The following PCDHA8 variants were observed in gnomAD, a reference collection of about 807,000 sequenced individuals.
PCDHA8 encodes protocadherin alpha 8.
Under a neutral mutation model 61.8 loss-of-function variants are expected in PCDHA8, and 53 were observed. The observed-to-expected ratio is 0.86, with a 90% CI of 0.69 to 1.08. The LOEUF (loss-of-function observed/expected upper bound fraction) is 1.08, where lower values mean the gene tolerates loss of function less well. PCDHA8 is among the 50% of genes least tolerant of loss of function. The pLI is 0.00. For synonymous variants in PCDHA8, 618 were observed against 556.6 expected (o/e 1.11, Z -1.55); for missense variants, 1,293 against 1,245.0 (o/e 1.04, Z -0.58).
At chr5:140,967,956 A>G in intron 1 of PCDHA8, 2 of 1,614,172 alleles carry the variant, frequency 1.2e-6, no homozygotes, top group Middle Eastern at 3.3e-4. Context: ...TCAGGCCCCA[A>G]CCGGAAAGTG....
chr5:140,875,632 C>G, intron 1 of PCDHA8: 1 of 1,613,710 alleles, frequency 6.2e-7, no homozygotes, highest in Non-Finnish European at 8.5e-7. Flanking sequence ...GGACCTGGGG[C>G]TGGAGCTGGC....
chr5:140,876,273 C>T, intron 1 of PCDHA8: 1 of 1,613,982 alleles, frequency 6.2e-7, no homozygotes, highest in South Asian at 1.1e-5. Context: ...TAAATGCTTC[C>T]GATCCAGACG....
chr5:140,899,005 G>A (rs1220603725), intron 1 of PCDHA8, among the ~76,000 whole-genome samples: 1 of 151,848 alleles, frequency 6.6e-6, no homozygotes, highest in Non-Finnish European at 1.5e-5. Context: ...TGTTATTGGT[G>A]TATAAGAATG....
intron 1 of PCDHA8, chr5:140,966,824 A>G (rs1463208532): frequency 1.3e-6 from 2 of 1,559,876 alleles, no homozygotes; most frequent in Admixed American, 1.9e-5. Flanking sequence ...CCGGCGGCCC[A>G]TGCCCTGGCT....
At chr5:140,966,654 T>C in intron 1 of PCDHA8, 1 of 1,185,100 alleles carries the variant, frequency 8.4e-7, no homozygotes, top group Non-Finnish European at 1.1e-6. Flanking sequence ...GCGTGAGCGG[T>C]GGGGGAGCAG....
intron 1 of PCDHA8, among the ~76,000 whole-genome samples, chr5:140,906,383 T>A (rs1386557574): frequency 6.6e-6 from 1 of 152,214 alleles, no homozygotes; most frequent in African/African-American, 2.4e-5. Context: ...TTACATAAAG[T>A]TAACATTTAA....
intron 1 of PCDHA8, chr5:140,858,722 C>T: frequency 2.0e-6 from 1 of 497,160 alleles, no homozygotes. Context: ...GGTTGCAGTT[C>T]TGACGATTTA....
chr5:140,925,082 AAAGGAAGGAAGG>A (rs138596875), intron 1 of PCDHA8, among the ~76,000 whole-genome samples: 78 of 147,388 alleles, frequency 5.3e-4, no homozygotes, highest in African/African-American at 1.8e-3. Context: ...GCTCATCTGG[AAAGGAAGGAAGG>A]AAGGAAGGAA....
chr5:140,842,657 G>A lies in PCDHA8; in HGVS notation c.1336G>A (p.Ala446Thr), dbSNP rs2150341261. 6 of 1,595,442 alleles carry A rather than the reference G, an allele frequency of 3.8e-6. No individual in the cohort carries two copies. In the Admixed American group the frequency reaches 5.1e-5, roughly 13 times the overall value. The part of the protein sequence containing the change: ...WATASLSVEV[A>T]DVNDNAPAFA... ...CACCGCCAGCTTGTCTGTGGAGGTG[G>A]CCGACGTGAACGACAATGCTCCGGC... The change falls in exon 1 of 4, where the codon GCC (alanine) becomes ACC (threonine). Residue 446 changes from alanine (A) to threonine (T), a missense_variant. Transcript: ENST00000531613.
chr5:140,949,976 TACTTA>T (rs2094437494), intron 1 of PCDHA8, among the ~76,000 whole-genome samples: 1 of 151,940 alleles, frequency 6.6e-6, no homozygotes, highest in Admixed American at 6.6e-5. Flanking sequence ...ACAGCATACA[TACTTA>T]ACTTTTCTCA....
At chr5:140,938,158 C>G (rs1308976624) in intron 1 of PCDHA8, among the ~76,000 whole-genome samples, 1 of 152,112 alleles carries the variant, frequency 6.6e-6, no homozygotes, top group African/African-American at 2.4e-5. Flanking sequence ...ATTGCCCAGG[C>G]TAGTCTGGAG....
intron 3 of PCDHA8, among the ~76,000 whole-genome samples, chr5:140,992,185 C>G (rs1554252730): frequency 1.3e-5 from 2 of 152,102 alleles, no homozygotes; most frequent in African/African-American, 4.8e-5. Context: ...ATCATGCTTT[C>G]AGTGATCTAT....
chr5:140,853,613 A>G, intron 1 of PCDHA8: 1 of 988,108 alleles, frequency 1.0e-6, no homozygotes, highest in Non-Finnish European at 1.2e-6. Context: ...GGGGTGCTGT[A>G]AATAAGTATA....
At chr5:140,926,537 T>C (rs1584447910) in intron 1 of PCDHA8, 2 of 211,572 alleles carry the variant, frequency 9.5e-6, no homozygotes, top group African/African-American at 2.3e-5. Flanking sequence ...GCAGCCAGCG[T>C]GGTGGTCGAG....
chr5:140,858,100 C>T lies in PCDHA8; in HGVS notation c.2394+14385C>T, dbSNP rs368579908. ...AGGCCTCGTCGCGGGCTTCAGTGGG[C>T]GTGGCGCCCGAGGTGGCCCTGGTGG... On this transcript the variant is annotated intron_variant, in intron 1 of 3. Coordinates refer to ENST00000531613, the MANE Select transcript of PCDHA8 (RefSeq NM_018911.3). 202 of 1,597,586 alleles carry T rather than the reference C, an allele frequency of 1.3e-4. 22 individuals are homozygous for T. The highest frequency in any genetic ancestry group is 1.7e-4 in the Non-Finnish European group (196 of 1,167,684).
chr5:140,897,695 C>T (rs1417139429), intron 1 of PCDHA8, among the ~76,000 whole-genome samples: 12 of 152,090 alleles, frequency 7.9e-5, no homozygotes, highest in South Asian at 4.2e-4. Flanking sequence ...GTCCTTTGGG[C>T]ATATACCCAG....
At chr5:140,947,854 A>G (rs2094183959) in intron 1 of PCDHA8, among the ~76,000 whole-genome samples, 1 of 151,504 alleles carries the variant, frequency 6.6e-6, no homozygotes, top group Non-Finnish European at 1.5e-5. Context: ...TTATTTTGTC[A>G]TTATAATGGC....
intron 1 of PCDHA8, among the ~76,000 whole-genome samples, chr5:140,922,186 G>A (rs2080700999): frequency 6.6e-6 from 1 of 151,230 alleles, no homozygotes; most frequent in South Asian, 2.1e-4. Context: ...CAAAAAAAAA[G>A]TCTTATCTTT....
chr5:141,010,343 G>C lies in PCDHA8; in HGVS notation c.*406G>C. 1 of 1,518,858 alleles carries C rather than the reference G, an allele frequency of 6.6e-7. No homozygotes were observed. Among genetic ancestry groups the C allele is most frequent in the Admixed American group, 2.1e-5 (1 of 46,514 alleles). 94.1% of individuals were successfully genotyped at this position (1,518,858 alleles called of 1,614,324 possible). A position where few individuals can be genotyped will look rare whatever the true frequency, so the allele number is the denominator to read the frequency against. On this transcript the variant is annotated 3_prime_UTR_variant, in exon 4 of 4. Coordinates refer to ENST00000531613, the MANE Select transcript of PCDHA8 (RefSeq NM_018911.3). ...GCAGCTTGGGAGTTTGTGGCCACTGGGTATGTGTGGCTACCGCGGGTATGC... is the reference window on the plus strand; with the variant it reads ...GCAGCTTGGGAGTTTGTGGCCACTGCGTATGTGTGGCTACCGCGGGTATGC...
Sources: gnomAD v4.1 joint callset for allele counts (sites outside exome capture counted in the v4.1 genomes callset) on GRCh38, gnomAD v4.1.1 for gene constraint, MANE v1.5 for transcripts, NCBI Gene and HGNC (gene_info 2026-07-23, HGNC 2026-07-21) for gene names.